ZNF471: variants seen among roughly 807,000 people sequenced by gnomAD.
ZNF471 encodes the protein zinc finger protein 471.
In ZNF471, 7 loss-of-function variants were observed where a neutral mutation model predicts 13.7. That is an observed-to-expected ratio of 0.51 (90% CI 0.29 to 0.96). ZNF471 has a LOEUF of 0.96. ZNF471 is among the 40% of genes least tolerant of loss of function. ZNF471 has a pLI of 0.08. For synonymous variants in ZNF471, 218 were observed against 235.6 expected (o/e 0.93, Z 0.68); for missense variants, 663 against 743.3 (o/e 0.89, Z 1.26).
In ZNF471 at chr19:56,524,256, T is replaced by G; in HGVS notation, c.257-68T>G. 1 of 1,129,830 alleles carries G rather than the reference T, an allele frequency of 8.9e-7. No individual in the cohort carries two copies. The highest frequency in any genetic ancestry group is 1.2e-6 in the Non-Finnish European group (1 of 805,584). The allele number at this position is 1,129,830 out of a possible 1,614,324, so 70.0% of individuals were successfully genotyped here. A position where few individuals can be genotyped will look rare whatever the true frequency, so the allele number is the denominator to read the frequency against. ...TTATTAAATATTTTTAAATTACCTT[T>G]TTCACAATGTCTCCTTTGTTGTAGC... On this transcript the variant is annotated intron_variant, in intron 4 of 4. Coordinates refer to ENST00000308031, the MANE Select transcript of ZNF471 (RefSeq NM_020813.4). This position sits in a 1 kb window ranked among gnomAD's most constrained non-coding sequence, Gnocchi z 4.8.
rs2147936116 is a variant in ZNF471 at position 56,529,328 on chromosome 19, C to T, written c.*3380C>T. Reference sequence around the variant, plus strand: ...AATAAAGTCAGCATCCCATTTGACTCCTTACACAGAAGTTCATTCTATACT... The same window carrying T: ...AATAAAGTCAGCATCCCATTTGACTTCTTACACAGAAGTTCATTCTATACT... On this transcript the variant is annotated 3_prime_UTR_variant, in exon 5 of 5. Transcript: ENST00000308031. 1.3e-5 allele frequency: 2 copies of T among 152,124 alleles called. No homozygotes were observed. Among genetic ancestry groups the T allele is most frequent in the East Asian group, 3.9e-4 (2 of 5,186 alleles). The allele number at this position is 152,124 out of a possible 1,614,324, so 9.4% of individuals were successfully genotyped here. A position where few individuals can be genotyped will look rare whatever the true frequency, so the allele number is the denominator to read the frequency against.
intron 1 of ZNF471, chr19:56,509,977 G>A: frequency 1.0e-6 from 1 of 985,626 alleles, no homozygotes; most frequent in Non-Finnish European, 1.2e-6. Flanking sequence ...GATCATGTGT[G>A]TGTCTGAGTA....
intron 4 of ZNF471, among the ~76,000 whole-genome samples, chr19:56,519,481 C>G (rs1486766704): frequency 6.6e-6 from 1 of 152,172 alleles, no homozygotes; most frequent in East Asian, 1.9e-4. Flanking sequence ...TAACTGTCCA[C>G]CAAGCCACTG....
At chr19:56,523,058 C>T (rs2043994924) in intron 4 of ZNF471, among the ~76,000 whole-genome samples, 1 of 152,152 alleles carries the variant, frequency 6.6e-6, no homozygotes. Flanking sequence ...ATTTTTAAAG[C>T]ACATTTATTC....
At chr19:56,512,029 C>A (rs1388516291) in intron 2 of ZNF471, among the ~76,000 whole-genome samples, 1 of 151,978 alleles carries the variant, frequency 6.6e-6, no homozygotes, top group Non-Finnish European at 1.5e-5. Context: ...AAGATAAATT[C>A]TTTAAAAGTT....
Position 56,524,248 on chromosome 19 carries a change from A to G in ZNF471, c.257-76A>G, listed in dbSNP as rs1217655754. 2 of 1,076,508 alleles carry G rather than the reference A, an allele frequency of 1.9e-6. No individual in the cohort carries two copies. The highest frequency in any genetic ancestry group is 2.6e-6 in the Non-Finnish European group (2 of 759,222). The allele number at this position is 1,076,508 out of a possible 1,614,324, so 66.7% of individuals were successfully genotyped here. On this transcript the variant is annotated intron_variant, in intron 4 of 4. Transcript: ENST00000308031. This position sits in a 1 kb window ranked among gnomAD's most constrained non-coding sequence, Gnocchi z 4.8. ...TGTGAGATTTATTAAATATTTTTAAATTACCTTTTTCACAATGTCTCCTTT... is the reference window on the plus strand; with the variant it reads ...TGTGAGATTTATTAAATATTTTTAAGTTACCTTTTTCACAATGTCTCCTTT...
In ZNF471 at chr19:56,508,161, A is replaced by G. The variant is rs2043757598; in HGVS notation, c.-56+241A>G. The stretch of plus-strand genomic sequence containing the variant: ...CGGGACCACTGGAGTGAGCTGTGGG[A>G]GAGATGGGGGTGTGCCTGTGTGTAA... On this transcript the variant is annotated intron_variant, in intron 1 of 4. Transcript: ENST00000308031. The surrounding 1 kb of genome is among the most constrained non-coding windows in gnomAD (Gnocchi z 4.7). 3.0e-6 allele frequency: 3 copies of G among 984,786 alleles called. No homozygotes were observed. The South Asian group carries it at 1.4e-4, about 46-fold the overall frequency. The allele number at this position is 984,786 out of a possible 1,614,324, so 61.0% of individuals were successfully genotyped here.
intron 3 of ZNF471, among the ~76,000 whole-genome samples, chr19:56,518,280 C>A (rs2043920903): frequency 6.6e-6 from 1 of 151,938 alleles, no homozygotes; most frequent in Admixed American, 6.6e-5. Flanking sequence ...TGCCCTCAAG[C>A]CCCTCATAAA....
Position 56,522,740 on chromosome 19 carries a change from CT to C in ZNF471, c.257-1571del, listed in dbSNP as rs200721043. Among the ~76,000 whole-genome samples, 209 of 142,734 alleles carry C rather than the reference CT, an allele frequency of 1.5e-3. No individual in the cohort carries two copies. The highest frequency in any genetic ancestry group is 1.4e-3 in the Non-Finnish European group (93 of 64,808). The allele number at this position is 142,734 out of a possible 152,430, so 93.6% of individuals were successfully genotyped here. On this transcript the variant is annotated intron_variant, in intron 4 of 4. Transcript: ENST00000308031. The surrounding 1 kb of genome is among the most constrained non-coding windows in gnomAD (Gnocchi z 4.1). ...GTAGCAATATATTTTTTCTTTTTTT[CT>C]TTTTTTTTTTTTGAGATGGAGTTTC...
intron 3 of ZNF471, among the ~76,000 whole-genome samples, chr19:56,517,117 T>C (rs1222337924): frequency 2.6e-5 from 4 of 151,502 alleles, no homozygotes; most frequent in African/African-American, 9.7e-5. Context: ...CTTTGTTCTG[T>C]TTTAATTTTA....
At chr19:56,523,704 G>A (rs909481338) in intron 4 of ZNF471, among the ~76,000 whole-genome samples, 1 of 152,216 alleles carries the variant, frequency 6.6e-6, no homozygotes, top group East Asian at 1.9e-4. Context: ...ACAAGTGGAA[G>A]AGAGTAGATG....
intron 3 of ZNF471, among the ~76,000 whole-genome samples, chr19:56,517,719 G>T (rs949376381): frequency 1.2e-4 from 18 of 152,212 alleles, no homozygotes; most frequent in African/African-American, 4.3e-4. Context: ...GGGATTACAG[G>T]CGTAAGCCAC....
In ZNF471 at chr19:56,525,643, CAG is replaced by C. The variant is rs1018450494; in HGVS notation, c.1580_1581del (p.Arg527IlefsTer17). The C allele has an allele frequency of 3.1e-6, 5 of 1,613,908 alleles. No homozygotes were observed. Among genetic ancestry groups the C allele is most frequent in the African/African-American group, 2.7e-5 (2 of 74,882 alleles). On this transcript the variant is annotated frameshift_variant, in exon 5 of 5. Coordinates refer to ENST00000308031, the MANE Select transcript of ZNF471 (RefSeq NM_020813.4). LOFTEE classifies it low-confidence loss of function (END_TRUNC). ...ECIECGNAFK[Q>X]RSHLAQHQKT... is the part of the protein sequence containing the mutation. The stretch of plus-strand genomic sequence containing the variant: ...TATTGAATGTGGAAATGCTTTCAAA[CAG>C]AGATCACACCTTGCCCAACATCAGA...
Position 56,514,919 on chromosome 19 carries a change from G to C in ZNF471, c.34-1356G>C, listed in dbSNP as rs141623188. On this transcript the variant is annotated intron_variant, in intron 2 of 4. Transcript: ENST00000308031. ...CCTATTTTCCTCATTTATTTATTTA[G>C]TCTTAATTTAGTCACTTACTCAGTA... Among the ~76,000 whole-genome samples the C allele has an allele frequency of 1.1e-4, 16 of 149,020 alleles. 1 individual carries two copies. The highest frequency in any genetic ancestry group is 3.9e-4 in the African/African-American group (16 of 41,378).
At chr19:56,519,033 C>T (rs2043933423) in intron 4 of ZNF471, among the ~76,000 whole-genome samples, 1 of 152,180 alleles carries the variant, frequency 6.6e-6, no homozygotes, top group East Asian at 1.9e-4. Context: ...CAGCTCCTTC[C>T]TACTTCTATA....
At chr19:56,513,089 TAC>T (rs1171654635) in intron 2 of ZNF471, among the ~76,000 whole-genome samples, 2 of 152,216 alleles carry the variant, frequency 1.3e-5, no homozygotes, top group Admixed American at 1.3e-4. Flanking sequence ...ACAAGCACCA[TAC>T]ACAACAGAAT....
At chr19:56,511,077 G>T (rs2043803781) in intron 1 of ZNF471, 14 of 931,302 alleles carry the variant, frequency 1.5e-5, no homozygotes, top group South Asian at 9.9e-5. Flanking sequence ...TTGGGAGTCA[G>T]ATTTTCCTTT....
intron 2 of ZNF471, among the ~76,000 whole-genome samples, chr19:56,515,219 A>G (rs1335058047): frequency 6.6e-6 from 1 of 152,190 alleles, no homozygotes; most frequent in Non-Finnish European, 1.5e-5. Context: ...GGGAACAGCC[A>G]AAGCTCCTCT....
At chr19:56,513,009 A>G (rs978969634) in intron 2 of ZNF471, among the ~76,000 whole-genome samples, 1 of 152,174 alleles carries the variant, frequency 6.6e-6, no homozygotes, top group Non-Finnish European at 1.5e-5. Context: ...GTTACCTAAC[A>G]TAATTTTCCA....
Sources: gnomAD v4.1 joint callset for allele counts (sites outside exome capture counted in the v4.1 genomes callset) on GRCh38, gnomAD v4.1.1 for gene constraint, Gnocchi (gnomAD v3.1) non-coding constraint, MANE v1.5 for transcripts, NCBI Gene and HGNC (gene_info 2026-07-23, HGNC 2026-07-21) for gene names.